Variants in KCNQ5 observed in about 807,000 individuals in gnomAD.
KCNQ5 encodes potassium voltage-gated channel subfamily Q member 5.
KCNQ5 carries 30 observed loss-of-function variants against 98.2 expected under a neutral mutation model. That is an observed-to-expected ratio of 0.31 (90% CI 0.23 to 0.41). KCNQ5 has a LOEUF of 0.41. Ranked by LOEUF, KCNQ5 falls within the 10% of genes least tolerant of loss-of-function variation. KCNQ5 has a pLI of 1.00. For missense variants in KCNQ5, 835 were observed against 1,182.5 expected (o/e 0.71, Z 4.31); for synonymous variants, 458 against 449.4 (o/e 1.02, Z -0.24).
intron 1 of KCNQ5, among the ~76,000 whole-genome samples, chr6:72,844,820 G>T (rs768013615): frequency 6.6e-6 from 1 of 152,144 alleles, no homozygotes; most frequent in African/African-American, 2.4e-5. Context: ...AAATATAAAC[G>T]GATTATTCTG....
intron 1 of KCNQ5, among the ~76,000 whole-genome samples, chr6:72,680,406 A>ACCAAT (rs1767648990): frequency 1.3e-5 from 2 of 152,212 alleles, no homozygotes; most frequent in South Asian, 4.1e-4. Flanking sequence ...TGGATATACC[A>ACCAAT]CAGTTTGTTT....
chr6:73,065,944 C>G (rs561077264), intron 3 of KCNQ5, among the ~76,000 whole-genome samples: 1 of 152,100 alleles, frequency 6.6e-6, no homozygotes, highest in Admixed American at 6.5e-5. Flanking sequence ...GTCAGGAGTT[C>G]GAGACCAGCC....
At chr6:72,980,047 G>GT (rs1412600695) in intron 1 of KCNQ5, among the ~76,000 whole-genome samples, 1 of 152,050 alleles carries the variant, frequency 6.6e-6, no homozygotes, top group Non-Finnish European at 1.5e-5. Context: ...CTCTGTTTTG[G>GT]TACCAGTACC....
chr6:72,729,957 T>C (rs1450838288), intron 1 of KCNQ5, among the ~76,000 whole-genome samples: 1 of 152,144 alleles, frequency 6.6e-6, no homozygotes, highest in Admixed American at 6.5e-5. Flanking sequence ...GGCCAGGAGT[T>C]TGAGACCATC....
intron 2 of KCNQ5, among the ~76,000 whole-genome samples, chr6:73,030,706 A>G (rs1771105258): frequency 6.6e-6 from 1 of 152,220 alleles, no homozygotes. Flanking sequence ...GATTTCTCCC[A>G]GTGGCACATG....
chr6:73,032,407 A>G (rs1226954102), intron 2 of KCNQ5, among the ~76,000 whole-genome samples: 1 of 152,092 alleles, frequency 6.6e-6, no homozygotes, highest in Non-Finnish European at 1.5e-5. Flanking sequence ...ACCTCAAGTG[A>G]TCTGCTTACC....
At chr6:72,951,920 G>T (rs1766826725) in intron 1 of KCNQ5, among the ~76,000 whole-genome samples, 1 of 152,100 alleles carries the variant, frequency 6.6e-6, no homozygotes, top group Non-Finnish European at 1.5e-5. Context: ...GAACTGAGTG[G>T]AATAGTCATC....
At chr6:72,675,023 G>A (rs951027567) in intron 1 of KCNQ5, among the ~76,000 whole-genome samples, 1 of 152,132 alleles carries the variant, frequency 6.6e-6, no homozygotes, top group Admixed American at 6.5e-5. Flanking sequence ...TTGCTAAGTT[G>A]CACTTTAGAT....
chr6:72,694,641 A>G (rs1768390021), intron 1 of KCNQ5, among the ~76,000 whole-genome samples: 1 of 152,212 alleles, frequency 6.6e-6, no homozygotes, highest in Non-Finnish European at 1.5e-5. Context: ...GTGAGGACCC[A>G]AGGTAAGAAT....
At chr6:72,931,487 TC>T (rs1765692078) in intron 1 of KCNQ5, among the ~76,000 whole-genome samples, 1 of 152,030 alleles carries the variant, frequency 6.6e-6, no homozygotes, top group South Asian at 2.1e-4. Flanking sequence ...CTTTTAAAGA[TC>T]CTAAATCACT....
At chr6:72,738,028 G>A (rs1204340547) in intron 1 of KCNQ5, among the ~76,000 whole-genome samples, 2 of 147,432 alleles carry the variant, frequency 1.4e-5, no homozygotes, top group Non-Finnish European at 1.5e-5. Context: ...GGTGGCGGGC[G>A]CCTGTAGTTC....
chr6:72,954,709 A>G (rs1345989768), intron 1 of KCNQ5, among the ~76,000 whole-genome samples: 1 of 152,190 alleles, frequency 6.6e-6, no homozygotes, highest in Non-Finnish European at 1.5e-5. Flanking sequence ...CAAAATGTGC[A>G]TTTCTAGATA....
intron 1 of KCNQ5, among the ~76,000 whole-genome samples, chr6:72,886,792 G>A (rs6911595): frequency 3.8e-4 from 58 of 152,186 alleles, no homozygotes; most frequent in African/African-American, 1.4e-3. Context: ...TTACTGACAG[G>A]TGTAATTGTA....
At chr6:73,145,745 T>C (rs912034279) in intron 10 of KCNQ5, among the ~76,000 whole-genome samples, 1 of 152,160 alleles carries the variant, frequency 6.6e-6, no homozygotes, top group African/African-American at 2.4e-5. Context: ...TCTGTATTAG[T>C]TTTTTCGCAC....
rs1404756293 is a variant in KCNQ5, at chr6:73,197,051, G to T, written c.*1637G>T. 1.3e-5 allele frequency: 2 copies of T among 152,120 alleles called. No homozygotes were observed. The highest frequency in any genetic ancestry group is 4.8e-5 in the African/African-American group (2 of 41,400). 9.4% of individuals were successfully genotyped at this position (152,120 alleles called of 1,614,324 possible). A position where few individuals can be genotyped will look rare whatever the true frequency, so the allele number is the denominator to read the frequency against. On this transcript the variant is annotated 3_prime_UTR_variant, in exon 14 of 14. Transcript: ENST00000370398. ...TGCTGCCTCCAGAAGTACTTCTCCAGCAGCCAAGCAGAATGAGCAGGGTTA... is the reference window on the plus strand; with the variant it reads ...TGCTGCCTCCAGAAGTACTTCTCCATCAGCCAAGCAGAATGAGCAGGGTTA...
intron 9 of KCNQ5, chr6:73,129,911 A>T (rs1177007637): frequency 5.4e-6 from 7 of 1,285,392 alleles, no homozygotes; most frequent in Non-Finnish European, 7.8e-6. Flanking sequence ...CAGGTGCATG[A>T]CCAGGTTACA....
Position 72,817,809 on chromosome 6 carries a change from G to A in KCNQ5, c.399-186099G>A, listed in dbSNP as rs145985313. On this transcript the variant is annotated intron_variant, in intron 1 of 13. Coordinates refer to ENST00000370398, the MANE Select transcript of KCNQ5 (RefSeq NM_019842.4). ...CTCAGGAGGCTGAGGTGGGAGGATC[G>A]CTTGAGCCCAGGAAGCAGAGGTTGC... Among the ~76,000 whole-genome samples the A allele has an allele frequency of 2.7e-3, 411 of 152,052 alleles. 1 individual carries two copies. The highest frequency in any genetic ancestry group is 9.3e-3 in the African/African-American group (386 of 41,444).
chr6:73,184,218 C>T (rs1027233414), intron 11 of KCNQ5, among the ~76,000 whole-genome samples: 4 of 152,118 alleles, frequency 2.6e-5, no homozygotes, highest in Admixed American at 2.6e-4. Flanking sequence ...AATGCTGTTG[C>T]TTTGTGTGAT....
chr6:73,028,239 G>A (rs1770978391), intron 2 of KCNQ5, among the ~76,000 whole-genome samples: 1 of 152,180 alleles, frequency 6.6e-6, no homozygotes, highest in Non-Finnish European at 1.5e-5. Context: ...CTTCACCACG[G>A]CAAGACGGTG....
Sources: gnomAD v4.1 joint callset for allele counts (sites outside exome capture counted in the v4.1 genomes callset) on GRCh38, gnomAD v4.1.1 for gene constraint, MANE v1.5 for transcripts, NCBI Gene and HGNC (gene_info 2026-07-23, HGNC 2026-07-21) for gene names.